The following PDZD2 variants were observed in gnomAD, a reference collection of about 807,000 sequenced individuals.
PDZD2 encodes the protein PDZ domain-containing protein 2.
Under a neutral mutation model 220.7 loss-of-function variants are expected in PDZD2, and 90 were observed. The ratio of observed to expected loss-of-function variants is 0.41; its 90% confidence interval spans 0.34 to 0.49. The LOEUF (loss-of-function observed/expected upper bound fraction) is 0.49. Ranked by LOEUF, PDZD2 falls within the 20% of genes least tolerant of loss-of-function variation. The pLI, the probability that PDZD2 is intolerant of heterozygous loss-of-function variation, is 0.28. For missense variants in PDZD2, 3,174 were observed against 3,608.5 expected (o/e 0.88, Z 3.08); for synonymous variants, 1,375 against 1,450.5 (o/e 0.95, Z 1.18).
intron 2 of PDZD2, among the ~76,000 whole-genome samples, chr5:31,850,208 ATATGT>A: frequency 8.7e-6 from 1 of 115,356 alleles, no homozygotes; most frequent in Middle Eastern, 4.1e-3. Flanking sequence ...ATATAAGTAT[ATATGT>A]GTATATATAT....
chr5:31,791,481 T>C (rs1355510118), intron 1 of PDZD2, among the ~76,000 whole-genome samples: 1 of 150,492 alleles, frequency 6.6e-6, no homozygotes, highest in African/African-American at 2.5e-5. Flanking sequence ...TCCCAGCTAC[T>C]TGGGAGGCTA....
intron 6 of PDZD2, among the ~76,000 whole-genome samples, chr5:32,034,123 A>G (rs996633327): frequency 6.6e-6 from 1 of 152,110 alleles, no homozygotes; most frequent in Non-Finnish European, 1.5e-5. Context: ...AAAATAAAGG[A>G]GAAGACAGAT....
intron 2 of PDZD2, among the ~76,000 whole-genome samples, chr5:31,810,243 T>C (rs1419562897): frequency 9.3e-6 from 1 of 107,974 alleles, no homozygotes; most frequent in African/African-American, 3.5e-5. Flanking sequence ...CAAAATGACT[T>C]TTTCTTTTCT....
At chr5:31,950,700 T>C (rs780091639) in intron 2 of PDZD2, among the ~76,000 whole-genome samples, 6 of 152,210 alleles carry the variant, frequency 3.9e-5, no homozygotes, top group Non-Finnish European at 4.4e-5. Flanking sequence ...ACAAGTCTTG[T>C]GAATTACCAC....
chr5:31,951,656 A>G (rs986312437), intron 2 of PDZD2, among the ~76,000 whole-genome samples: 1 of 152,188 alleles, frequency 6.6e-6, no homozygotes, highest in Non-Finnish European at 1.5e-5. Flanking sequence ...TACATGTGCC[A>G]CAGTTGGTTT....
chr5:31,640,083 G>C (rs1200248332), intron 1 of PDZD2, among the ~76,000 whole-genome samples: 1 of 151,998 alleles, frequency 6.6e-6, no homozygotes, highest in East Asian at 1.9e-4. Flanking sequence ...CCCTCCCTCT[G>C]TTCCTCTCTC....
chr5:31,981,790 T>C (rs111563848), intron 2 of PDZD2, among the ~76,000 whole-genome samples: 23 of 152,330 alleles, frequency 1.5e-4, no homozygotes, highest in African/African-American at 5.5e-4. Context: ...TGCTTTATCT[T>C]AGGTAGCATG....
chr5:31,838,750 C>T (rs999503331), intron 2 of PDZD2, among the ~76,000 whole-genome samples: 1 of 152,228 alleles, frequency 6.6e-6, no homozygotes, highest in East Asian at 1.9e-4. Context: ...GCCACTCTCA[C>T]GTTATAGCAC....
chr5:31,756,070 C>G (rs537829263), intron 1 of PDZD2, among the ~76,000 whole-genome samples: 1 of 152,012 alleles, frequency 6.6e-6, no homozygotes, highest in Non-Finnish European at 1.5e-5. Context: ...AAATGCCTGG[C>G]CTGTAGAGGA....
intron 1 of PDZD2, chr5:31,692,853 C>G (rs967603384): frequency 6.6e-6 from 1 of 152,248 alleles, no homozygotes; most frequent in Non-Finnish European, 1.5e-5. Context: ...TCCAGGCCTC[C>G]GGGAGGACCC....
intron 1 of PDZD2, among the ~76,000 whole-genome samples, chr5:31,698,323 C>T (rs575547609): frequency 4.7e-5 from 7 of 148,474 alleles, no homozygotes; most frequent in Non-Finnish European, 6.0e-5. Flanking sequence ...AGGCCGGGTG[C>T]GGTGGCTCAC....
intron 14 of PDZD2, among the ~76,000 whole-genome samples, chr5:32,063,870 G>T (rs985918595): frequency 4.6e-5 from 7 of 152,218 alleles, no homozygotes; most frequent in Admixed American, 2.0e-4. Context: ...TAAGCATTTT[G>T]TTAGAGTGTG....
chr5:32,002,765 C>CCCCACACCA (rs1752295497), intron 5 of PDZD2, among the ~76,000 whole-genome samples: 1 of 107,084 alleles, frequency 9.3e-6, no homozygotes, highest in East Asian at 3.1e-4. Context: ...ACCCCACACA[C>CCCCACACCA]CACACACACC....
chr5:32,039,446 A>G (rs13359460), intron 7 of PDZD2, among the ~76,000 whole-genome samples: 11,234 of 149,950 alleles, frequency 0.075, 687 homozygotes, highest in African/African-American at 0.16. Flanking sequence ...GCGTAATCTC[A>G]GCTCGCTACA....
intron 1 of PDZD2, among the ~76,000 whole-genome samples, chr5:31,751,850 C>T (rs1352033542): frequency 3.9e-5 from 6 of 151,924 alleles, no homozygotes; most frequent in African/African-American, 1.5e-4. Context: ...CCGCCTCTGC[C>T]TCTTTGAAGC....
At chr5:32,059,130 A>G (rs1739427307) in intron 12 of PDZD2, 109 bp from the exon 13 acceptor site, 1 of 614,666 alleles carries the variant, frequency 1.6e-6, no homozygotes, top group Non-Finnish European at 2.9e-6. Context: ...CCAGAAATAA[A>G]TGGTTATTGG....
intron 2 of PDZD2, among the ~76,000 whole-genome samples, chr5:31,962,377 G>A (rs1015555342): frequency 7.2e-5 from 11 of 152,136 alleles, no homozygotes; most frequent in South Asian, 2.1e-4. Context: ...AGGGAAGTTG[G>A]ACAGGAAGGG....
chr5:31,693,245 T>C (rs1365423307), intron 1 of PDZD2, among the ~76,000 whole-genome samples: 136 of 145,668 alleles, frequency 9.3e-4, no homozygotes, highest in African/African-American at 3.4e-3. Context: ...AAGCACTTTT[T>C]TTTTTTTTTT....
At chr5:31,735,462 C>T (rs972548466) in intron 1 of PDZD2, among the ~76,000 whole-genome samples, 5 of 152,212 alleles carry the variant, frequency 3.3e-5, no homozygotes, top group East Asian at 3.9e-4. Flanking sequence ...CCAAGAAGAG[C>T]CCAATAATGA....
Sources: allele counts gnomAD v4.1 joint callset (sites outside exome capture counted in the v4.1 genomes callset), GRCh38; gene constraint gnomAD v4.1.1; transcripts MANE v1.5; gene names NCBI Gene and HGNC (gene_info 2026-07-23, HGNC 2026-07-21).